PICK1: variants seen among roughly 807,000 people sequenced by gnomAD.
PICK1 encodes PRKCA-binding protein.
A neutral mutation model predicts 48.9 loss-of-function variants in PICK1; 23 were observed. That is an observed-to-expected ratio of 0.47 (90% CI 0.34 to 0.67). PICK1 has a LOEUF of 0.67. PICK1 is among the 30% of genes least tolerant of loss of function. The pLI, the probability that PICK1 is intolerant of heterozygous loss-of-function variation, is 0.01. For missense variants in PICK1, 423 were observed against 557.1 expected (o/e 0.76, Z 2.42); for synonymous variants, 217 against 228.2 (o/e 0.95, Z 0.44).
In PICK1 at chr22:38,059,256, A is replaced by C; in HGVS notation, c.64A>C (p.Lys22Gln). ...DKLGIPTVPG[K>Q]VTLQKDAQNL... ...TAGCGGAATCCCGACTGTGCCTGGG[A>C]AGGTGACCCTGCAGAAGGATGCTCA... The change falls in exon 3 of 13, where the codon AAG becomes CAG. Residue 22 changes from lysine (K) to glutamine (Q), a missense_variant. Transcript: ENST00000356976. The C allele has an allele frequency of 1.3e-6, 2 of 1,584,558 alleles. No individual in the cohort carries two copies. The highest frequency in any genetic ancestry group is 1.7e-6 in the Non-Finnish European group (2 of 1,164,842).
chr22:38,069,064 G>A lies in PICK1; in HGVS notation c.381G>A (p.Glu127=). ...AGAAAGTCAAGCACCGGCTGGTGGA[G>A]AACATGAGTTCAGGGACCGCAGATG... ...VLKKVKHRLV[E]NMSSGTADAL... Residue 127 remains glutamate (E), a synonymous_variant, in exon 6 of 13, where the codon GAG becomes GAA. Coordinates refer to ENST00000356976, the MANE Select transcript of PICK1 (RefSeq NM_012407.4). 6.2e-7 allele frequency: 1 copy of A among 1,613,252 alleles called. No individual in the cohort carries two copies. Among genetic ancestry groups the A allele is most frequent in the Non-Finnish European group, 8.5e-7 (1 of 1,179,736 alleles).
At chr22:38,068,414 G>A (rs1271333621) in intron 5 of PICK1, among the ~76,000 whole-genome samples, 1 of 152,178 alleles carries the variant, frequency 6.6e-6, no homozygotes, top group East Asian at 1.9e-4. Flanking sequence ...CCTGGTGAGC[G>A]CACACCTAGG....
intron 3 of PICK1, among the ~76,000 whole-genome samples, chr22:38,064,021 T>C (rs1273147094): frequency 6.6e-6 from 1 of 152,238 alleles, no homozygotes; most frequent in Non-Finnish European, 1.5e-5. Flanking sequence ...TTTTAACTTT[T>C]ACATTTAGGT....
In PICK1 at chr22:38,066,485, C is replaced by G. The variant is rs1344612890; in HGVS notation, c.283-1219C>G. ...TGACAGGGATGCAGCATTGGCCCAG[C>G]TCCCCTGTTTGGGTGCTGGGCAGGG... On this transcript the variant is annotated intron_variant, in intron 4 of 12. Transcript: ENST00000356976. The surrounding 1 kb of genome is among the most constrained non-coding windows in gnomAD (Gnocchi z 4.1). Among the ~76,000 whole-genome samples the G allele has an allele frequency of 6.6e-6, 1 of 152,226 alleles. No individual in the cohort carries two copies. The highest frequency in any genetic ancestry group is 6.5e-5 in the Admixed American group (1 of 15,278).
chr22:38,064,226 T>C (rs2085471428), intron 3 of PICK1, among the ~76,000 whole-genome samples: 2 of 151,970 alleles, frequency 1.3e-5, no homozygotes, highest in Admixed American at 6.6e-5. Flanking sequence ...CCCAGCTAAT[T>C]TTTGTATTTT....
At chr22:38,058,212 A>C in intron 2 of PICK1, 1 of 336,540 alleles carries the variant, frequency 3.0e-6, no homozygotes, top group African/African-American at 2.1e-5. Context: ...TTCCCAACAT[A>C]GGTTGTTAGT....
intron 8 of PICK1, 150 bp from the exon 9 acceptor site, chr22:38,072,327 G>A (rs1250301137): frequency 2.2e-6 from 2 of 893,858 alleles, no homozygotes; most frequent in Non-Finnish European, 1.7e-6. Flanking sequence ...TCCTTCAGGG[G>A]GTTTAGACCA....
chr22:38,067,304 A>ATTT (rs1164866353), intron 4 of PICK1, among the ~76,000 whole-genome samples: 1 of 108,524 alleles, frequency 9.2e-6, no homozygotes, highest in African/African-American at 4.0e-5. Flanking sequence ...GGGGCTTAGG[A>ATTT]TTCTTTTTTT....
Position 38,074,978 on chromosome 22 carries a change from C to G in PICK1, c.1094C>G (p.Ala365Gly). The G allele has an allele frequency of 6.2e-7, 1 of 1,613,716 alleles. No homozygotes were observed. Among genetic ancestry groups the G allele is most frequent in the Non-Finnish European group, 8.5e-7 (1 of 1,180,022 alleles). The part of the protein sequence containing the change: ...ADVFPIEVDL[A>G]HTTLAYGLNQ... ...GTCTTCCCCATCGAGGTAGACCTGG[C>G]GCACACCACATTGGCCTATGGCCTC... Residue 365 changes from alanine to glycine, a missense_variant, in exon 13 of 13, where the codon GCG (alanine) becomes GGG (glycine). Around this residue, in one of 2 missense-constraint regions of PICK1, gnomAD observed 144 missense variants for 139.3 expected, o/e 1.03. Transcript: ENST00000356976. This position sits in a 1 kb window ranked among gnomAD's most constrained non-coding sequence, Gnocchi z 4.5.
In PICK1 at chr22:38,073,912, CG is replaced by C. The variant is rs371211665; in HGVS notation, c.834+95del. 6.9e-6 allele frequency: 9 copies of C among 1,302,282 alleles called. No individual in the cohort carries two copies. Among genetic ancestry groups the C allele is most frequent in the Non-Finnish European group, 8.9e-6 (8 of 898,358 alleles). The allele number at this position is 1,302,282 out of a possible 1,614,324, so 80.7% of individuals were successfully genotyped here. On this transcript the variant is annotated intron_variant, in intron 11 of 12. Transcript: ENST00000356976. The surrounding 1 kb of genome is among the most constrained non-coding windows in gnomAD (Gnocchi z 5.7). Reference sequence around the variant, plus strand: ...TGGCTCAGGCCAACCCGGGAGAGACCGGGGGGACTTGGCTGGACTCTCGTTC... The same window carrying C: ...TGGCTCAGGCCAACCCGGGAGAGACCGGGGGACTTGGCTGGACTCTCGTTC...
At position 38,071,173 on chromosome 22, in the gene PICK1, G is replaced by C. The variant is rs762842618; in HGVS notation, c.493+282G>C. 5.3e-5 allele frequency among the ~76,000 whole-genome samples: 8 copies of C among 151,964 alleles called. No individual in the cohort carries two copies. In the South Asian group the frequency reaches 1.0e-3, roughly 20 times the overall value. ...ACCAGCCCGGCCAACATGGTGAAAC[G>C]CCATCTCTACTGAAAATACAAAAAT... is the stretch of plus-strand genomic sequence containing the variant. On this transcript the variant is annotated intron_variant, in intron 7 of 12. Coordinates refer to ENST00000356976, the MANE Select transcript of PICK1 (RefSeq NM_012407.4).
intron 5 of PICK1, 101 bp from the exon 6 acceptor site, chr22:38,068,932 C>G: frequency 2.1e-6 from 2 of 943,866 alleles, no homozygotes; most frequent in Non-Finnish European, 3.4e-6. Context: ...AGCAGCCCTT[C>G]TGCCCCCTGT....
At chr22:38,067,275 G>A (rs367961607) in intron 4 of PICK1, among the ~76,000 whole-genome samples, 3 of 150,930 alleles carry the variant, frequency 2.0e-5, no homozygotes, top group East Asian at 3.9e-4. Context: ...ATGTCACAGC[G>A]CTCAGCCTGG....
rs2085803929 is a variant in PICK1, at chr22:38,075,024, T to C, written c.1140T>C (p.Asp380=). 6.2e-7 allele frequency: 1 copy of C among 1,612,944 alleles called. No homozygotes were observed. The highest frequency in any genetic ancestry group is 8.5e-7 in the Non-Finnish European group (1 of 1,179,878). Residue 380 remains aspartate (D), a synonymous_variant, in exon 13 of 13, where the codon GAT becomes GAC. Transcript: ENST00000356976. ...AYGLNQEEFT[D]GEEEEEEEDT... The stretch of plus-strand genomic sequence containing the variant: ...GCCTCAACCAGGAGGAGTTCACAGA[T>C]GGGGAGGAGGAGGAGGAGGAGGAAG...
intron 6 of PICK1, among the ~76,000 whole-genome samples, chr22:38,069,445 CTCCTTTG>C (rs2085620200): frequency 6.6e-6 from 1 of 152,232 alleles, no homozygotes; most frequent in East Asian, 1.9e-4. Flanking sequence ...CACCTCCTGC[CTCCTTTG>C]TCCAGGAGGT....
At chr22:38,064,936 G>T (rs969625444) in intron 3 of PICK1, 66 bp from the exon 4 acceptor site, 39 of 1,579,870 alleles carry the variant, frequency 2.5e-5, no homozygotes, top group Non-Finnish European at 3.3e-5. Context: ...CAGTGGTCAG[G>T]TGTCTTCCCA....
rs1460156156 is a variant in PICK1 at position 38,066,591 on chromosome 22, G to A, written c.283-1113G>A. Among the ~76,000 whole-genome samples, 2 of 152,188 alleles carry A rather than the reference G, an allele frequency of 1.3e-5. No individual in the cohort carries two copies. Among genetic ancestry groups the A allele is most frequent in the Non-Finnish European group, 2.9e-5 (2 of 68,014 alleles). ...CACAGCTGAACTGGAGCCCGGGCCC[G>A]ACTCCCACTGCAGCCCGCTTGCCGT... On this transcript the variant is annotated intron_variant, in intron 4 of 12. Coordinates refer to ENST00000356976, the MANE Select transcript of PICK1 (RefSeq NM_012407.4). This position sits in a 1 kb window ranked among gnomAD's most constrained non-coding sequence, Gnocchi z 4.1.
At position 38,066,587 on chromosome 22, in the gene PICK1, G is replaced by A. The variant is rs1176839024; in HGVS notation, c.283-1117G>A. Among the ~76,000 whole-genome samples, 2 of 152,180 alleles carry A rather than the reference G, an allele frequency of 1.3e-5. No individual in the cohort carries two copies. The highest frequency in any genetic ancestry group is 1.9e-4 in the East Asian group (1 of 5,188). On this transcript the variant is annotated intron_variant, in intron 4 of 12. Coordinates refer to ENST00000356976, the MANE Select transcript of PICK1 (RefSeq NM_012407.4). The surrounding 1 kb of genome is among the most constrained non-coding windows in gnomAD (Gnocchi z 4.1). ...GTCACACAGCTGAACTGGAGCCCGG[G>A]CCCGACTCCCACTGCAGCCCGCTTG...
Position 38,074,062 on chromosome 22 carries a change from A to C in PICK1, c.834+239A>C. 3.2e-6 allele frequency: 2 copies of C among 628,084 alleles called. No homozygotes were observed. The highest frequency in any genetic ancestry group is 2.8e-6 in the Non-Finnish European group (1 of 359,240). The allele number at this position is 628,084 out of a possible 1,614,324, so 38.9% of individuals were successfully genotyped here. A position where few individuals can be genotyped will look rare whatever the true frequency, so the allele number is the denominator to read the frequency against. On this transcript the variant is annotated intron_variant, in intron 11 of 12. Coordinates refer to ENST00000356976, the MANE Select transcript of PICK1 (RefSeq NM_012407.4). This position sits in a 1 kb window ranked among gnomAD's most constrained non-coding sequence, Gnocchi z 4.5. ...GGGAAATCGGATTTTCTTCACTCCT[A>C]TGAGGCGCTTTTAAGTGTTTGATTT...
Sources: allele counts gnomAD v4.1 joint callset (sites outside exome capture counted in the v4.1 genomes callset), GRCh38; gene constraint gnomAD v4.1.1; regional missense constraint gnomAD v4.1.1; non-coding constraint Gnocchi (gnomAD v3.1); transcripts MANE v1.5; gene names NCBI Gene and HGNC (gene_info 2026-07-23, HGNC 2026-07-21).